Variants in TMEM67 observed in about 807,000 individuals in gnomAD.
TMEM67 encodes transmembrane protein 67.
TMEM67 carries 124 observed loss-of-function variants against 136.6 expected under a neutral mutation model. The observed-to-expected ratio is 0.91, with a 90% CI of 0.78 to 1.05. TMEM67 has a LOEUF of 1.05. TMEM67 is among the 50% of genes least tolerant of loss of function. The probability of loss-of-function intolerance (pLI) is 0.00; values close to 1 mark genes in which losing one functional copy is unlikely to be tolerated. For missense variants in TMEM67, 1,107 were observed against 1,178.4 expected (o/e 0.94, Z 0.89); for synonymous variants, 364 against 390.5 (o/e 0.93, Z 0.80).
rs531762424 is a variant in TMEM67, at chr8:93,788,385, A to C, written c.1518+436A>C. 2.0e-5 allele frequency among the ~76,000 whole-genome samples: 3 copies of C among 152,292 alleles called. No homozygotes were observed. In the South Asian group the frequency reaches 6.2e-4, roughly 32 times the overall value. Reference sequence around the variant, plus strand: ...CGAGACCAGCCTGACCACCATGGTGAAACCCCGTCTTTACTGAAAATACAA... The same window carrying C: ...CGAGACCAGCCTGACCACCATGGTGCAACCCCGTCTTTACTGAAAATACAA... On this transcript the variant is annotated intron_variant, in intron 14 of 27. Coordinates refer to ENST00000453321, the MANE Select transcript of TMEM67 (RefSeq NM_153704.6).
chr8:93,758,937 A>G (rs112081294), intron 3 of TMEM67: 2,826 of 165,718 alleles, frequency 0.017, 85 homozygotes, highest in African/African-American at 0.061. Context: ...GTACAAATTA[A>G]TGATACTTAA....
At position 93,803,594 on chromosome 8, in the gene TMEM67, A is replaced by G. The variant is rs1814962202; in HGVS notation, c.2242-10A>G. The G allele has an allele frequency of 6.5e-7, 1 of 1,550,046 alleles. No individual in the cohort carries two copies. Among genetic ancestry groups the G allele is most frequent in the Non-Finnish European group, 8.9e-7 (1 of 1,122,042 alleles). The stretch of plus-strand genomic sequence containing the variant: ...AAGCTAATAAGCATAAACTTGACTT[A>G]ATGTTTCAGGTCGTGTTCTTTGCTG... On this transcript the variant is annotated splice_polypyrimidine_tract_variant and intron_variant, in intron 21 of 27. Transcript: ENST00000453321.
In TMEM67 at chr8:93,804,886, A is replaced by C. The variant is rs778635188; in HGVS notation, c.2439+8A>C. The C allele has an allele frequency of 2.8e-6, 4 of 1,436,402 alleles. No homozygotes were observed. The African/African-American group carries it at 4.2e-5, about 15-fold the overall frequency. 89.0% of individuals were successfully genotyped at this position (1,436,402 alleles called of 1,614,324 possible). ...AACCTTAAAAGAGAAGCGGTATGAA[A>C]ATGTTTTACATCTTTTTGTTTTTAA... On this transcript the variant is annotated splice_region_variant and intron_variant, in intron 23 of 27. Coordinates refer to ENST00000453321, the MANE Select transcript of TMEM67 (RefSeq NM_153704.6).
Position 93,799,655 on chromosome 8 carries a change from C to T in TMEM67, c.2138C>T (p.Ser713Phe). ...AAGAACTTAGCATTAATGGACTCAT[C>T]TTCTAGTCTTTCTAGAAACCCACCT... ...GFKNLALMDS[S>F]SSLSRNPPSY... The change falls in exon 21 of 28, where the codon TCT becomes TTT. Residue 713 changes from serine (S) to phenylalanine (F), a missense_variant. This residue lies in a region of TMEM67 where 925 missense variants were observed against 1,002.4 expected (regional missense o/e 0.92). Transcript: ENST00000453321. 1 of 1,613,266 alleles carries T rather than the reference C, an allele frequency of 6.2e-7. No individual in the cohort carries two copies. Among genetic ancestry groups the T allele is most frequent in the South Asian group, 1.1e-5 (1 of 91,042 alleles).
chr8:93,826,451 A>C, the TMEM67 span, among the ~76,000 whole-genome samples: 1 of 152,124 alleles, frequency 6.6e-6, no homozygotes, highest in Non-Finnish European at 1.5e-5. Flanking sequence ...TTAGGAAAGA[A>C]TCTGAAATGA....
the TMEM67 span, among the ~76,000 whole-genome samples, chr8:93,824,508 C>T: frequency 6.6e-6 from 1 of 152,120 alleles, no homozygotes. Flanking sequence ...TCTGTCTGCT[C>T]TCCTCGGTTA....
intron 3 of TMEM67, among the ~76,000 whole-genome samples, chr8:93,762,607 C>T (rs1270105833): frequency 6.6e-6 from 1 of 152,062 alleles, no homozygotes; most frequent in Non-Finnish European, 1.5e-5. Flanking sequence ...GCACTGTTGC[C>T]TCCATTGAAA....
In TMEM67 at chr8:93,780,822, A is replaced by G. The variant is rs531748634; in HGVS notation, c.870-52A>G. On this transcript the variant is annotated intron_variant, in intron 8 of 27. Transcript: ENST00000453321. ...GTTATTAATATATTCACAAATACTAATAATAAGAAATATTTATTCTCCATT... is the reference window on the plus strand; with the variant it reads ...GTTATTAATATATTCACAAATACTAGTAATAAGAAATATTTATTCTCCATT... 2.5e-6 allele frequency: 4 copies of G among 1,588,384 alleles called. No individual in the cohort carries two copies. In the East Asian group the frequency reaches 8.9e-5, roughly 36 times the overall value.
intron 20 of TMEM67, among the ~76,000 whole-genome samples, chr8:93,798,950 T>TGTGC (rs1318826058): frequency 7.0e-6 from 1 of 142,788 alleles, no homozygotes; most frequent in Non-Finnish European, 1.6e-5. Flanking sequence ...GTAGTGTGTG[T>TGTGC]GTGTGTGTGT....
chr8:93,826,853 G>C, the TMEM67 span, among the ~76,000 whole-genome samples: 2 of 152,046 alleles, frequency 1.3e-5, no homozygotes, highest in Non-Finnish European at 1.5e-5. Flanking sequence ...TTTTGAGATA[G>C]AGTCTCGCTT....
At chr8:93,807,584 A>T (rs1400111363) in intron 23 of TMEM67, among the ~76,000 whole-genome samples, 2 of 151,810 alleles carry the variant, frequency 1.3e-5, no homozygotes, top group Non-Finnish European at 2.9e-5. Flanking sequence ...AGATATCTAT[A>T]TTTCTGGGTG....
In TMEM67 at chr8:93,793,191, T is replaced by C. The variant is rs767939125; in HGVS notation, c.1576-7T>C. On this transcript the variant is annotated splice_polypyrimidine_tract_variant and splice_region_variant and intron_variant, in intron 15 of 27. Coordinates refer to ENST00000453321, the MANE Select transcript of TMEM67 (RefSeq NM_153704.6). ...CATAAATTCTCAATTGTTCTTTTGT[T>C]TTTTAGATTGCTTTGGGTGTATTGG... 2 of 1,612,748 alleles carry C rather than the reference T, an allele frequency of 1.2e-6. No homozygotes were observed. Among genetic ancestry groups the C allele is most frequent in the Non-Finnish European group, 1.7e-6 (2 of 1,178,878 alleles).
chr8:93,773,242 C>T (rs763497972), intron 7 of TMEM67, among the ~76,000 whole-genome samples: 2 of 152,026 alleles, frequency 1.3e-5, no homozygotes, highest in Non-Finnish European at 1.5e-5. Context: ...CTTATTCATG[C>T]TTAAGAGAGA....
chr8:93,801,920 G>A (rs868696320), intron 21 of TMEM67, among the ~76,000 whole-genome samples: 14 of 152,124 alleles, frequency 9.2e-5, no homozygotes, highest in Middle Eastern at 3.2e-3. Context: ...AGGGTTTGAT[G>A]TTTATCATCA....
intron 20 of TMEM67, among the ~76,000 whole-genome samples, chr8:93,799,287 T>C (rs1814762382): frequency 6.6e-6 from 1 of 152,200 alleles, no homozygotes. Flanking sequence ...GAAATACTAC[T>C]TGTTGGTTTC....
In TMEM67 at chr8:93,758,521, C is replaced by G. The variant is rs770422265; in HGVS notation, c.351C>G (p.Cys117Trp). The change falls in exon 3 of 28, where the codon TGC becomes TGG. Residue 117 changes from cysteine to tryptophan, a missense_variant. By Grantham distance (215) the Cys-to-Trp change is radical. Coordinates refer to ENST00000453321, the MANE Select transcript of TMEM67 (RefSeq NM_153704.6). ...VTEDGWNCIS[C>W]PSDLTAEGKC... Reference sequence around the variant, plus strand: ...AAGATGGCTGGAACTGCATTTCTTGCCCTAGTGACTTAACTGCCGAAGGAA... The same window carrying G: ...AAGATGGCTGGAACTGCATTTCTTGGCCTAGTGACTTAACTGCCGAAGGAA... 1 of 1,613,948 alleles carries G rather than the reference C, an allele frequency of 6.2e-7. No individual in the cohort carries two copies. The highest frequency in any genetic ancestry group is 1.1e-5 in the South Asian group (1 of 91,034).
chr8:93,824,065 G>A (rs1397733783), downstream of TMEM67, among the ~76,000 whole-genome samples: 1 of 152,120 alleles, frequency 6.6e-6, no homozygotes, highest in East Asian at 1.9e-4. Flanking sequence ...TTTTCATGTT[G>A]GCAGTTTTCT....
downstream of TMEM67, among the ~76,000 whole-genome samples, chr8:93,821,457 T>G (rs919222585): frequency 1.1e-4 from 17 of 152,108 alleles, no homozygotes; most frequent in African/African-American, 4.1e-4. Context: ...AATTTTAAAT[T>G]TTTTTGTAGA....
At chr8:93,782,714 C>T (rs1258442689) in intron 11 of TMEM67, among the ~76,000 whole-genome samples, 2 of 151,276 alleles carry the variant, frequency 1.3e-5, no homozygotes, top group Non-Finnish European at 1.5e-5. Flanking sequence ...GCTGGAATTA[C>T]AGACATGTGC....
Sources: gnomAD v4.1 joint callset for allele counts (sites outside exome capture counted in the v4.1 genomes callset) on GRCh38, gnomAD v4.1.1 for gene constraint, gnomAD v4.1.1 regional missense constraint, MANE v1.5 for transcripts, NCBI Gene and HGNC (gene_info 2026-07-23, HGNC 2026-07-21) for gene names.